LRIG2: variants seen among roughly 807,000 people sequenced by gnomAD.
The protein encoded by LRIG2 is leucine rich repeats and immunoglobulin like domains 2, also known as leucine-rich repeats and immunoglobulin-like domains protein 2.
A neutral mutation model predicts 107.8 loss-of-function variants in LRIG2; 93 were observed. That is an observed-to-expected ratio of 0.86 (90% CI 0.73 to 1.03). The LOEUF is 1.03. LRIG2 is among the 50% of genes least tolerant of loss of function. The pLI, the probability that LRIG2 is intolerant of heterozygous loss-of-function variation, is 0.00. For synonymous variants in LRIG2, 471 were observed against 470.6 expected (o/e 1.00, Z -0.01); for missense variants, 1,226 against 1,296.0 (o/e 0.95, Z 0.83).
Position 113,123,885 on chromosome 1 carries a change from G to A in LRIG2, c.2982G>A (p.Gln994=). 5 of 1,613,920 alleles carry A rather than the reference G, an allele frequency of 3.1e-6. No individual in the cohort carries two copies. Among genetic ancestry groups the A allele is most frequent in the Non-Finnish European group, 4.2e-6 (5 of 1,179,890 alleles). Reference sequence around the variant, plus strand: ...GTCTTTCATTCTCAGAAACATTGCAGCGGCCCGTGTGGAACATAAACAGAG... The same window carrying A: ...GTCTTTCATTCTCAGAAACATTGCAACGGCCCGTGTGGAACATAAACAGAG... The part of the protein sequence containing the change: ...PSTQMSGETL[Q]RPVWNINREL... Residue 994 remains glutamine, a synonymous_variant, in exon 18 of 18, where the codon CAG becomes CAA. Transcript: ENST00000361127.
At chr1:113,097,777 G>T (rs988265007) in intron 8 of LRIG2, among the ~76,000 whole-genome samples, 1 of 152,192 alleles carries the variant, frequency 6.6e-6, no homozygotes, top group African/African-American at 2.4e-5. Context: ...TGCCAGGGTA[G>T]ATACAGTTCT....
chr1:113,112,845 T>G, intron 14 of LRIG2, 85 bp downstream of exon 14: 3 of 1,254,486 alleles, frequency 2.4e-6, no homozygotes, highest in Middle Eastern at 2.3e-4. Flanking sequence ...AAAATAAGTT[T>G]GAGATTACCT....
chr1:113,109,244 T>G (rs1654668959), intron 12 of LRIG2, among the ~76,000 whole-genome samples: 1 of 152,244 alleles, frequency 6.6e-6, no homozygotes, highest in African/African-American at 2.4e-5. Flanking sequence ...CAATGAAATG[T>G]TATCCAGTGG....
intron 2 of LRIG2, 105 bp from the exon 3 acceptor site, chr1:113,093,101 C>CA: frequency 1.5e-6 from 1 of 665,980 alleles, no homozygotes. Context: ...TATTCTTTTT[C>CA]AAATTTGGCA....
In LRIG2 at chr1:113,119,490, G is replaced by A; in HGVS notation, c.2938G>A (p.Glu980Lys). ...AFPTNHERISEKKLPSTQMSG... is the reference protein window; with the variant it reads ...AFPTNHERISKKKLPSTQMSG... ...TCCCACCAACCATGAGAGGATAAGT[G>A]AGAAGAAACTTCCCTCCACACAGAT... The change falls in exon 17 of 18, where the codon GAG (glutamate) becomes AAG (lysine). Residue 980 changes from glutamate to lysine, a missense_variant. By Grantham distance (56) the Glu-to-Lys change is moderately conservative. Transcript: ENST00000361127. 6.2e-7 allele frequency: 1 copy of A among 1,614,154 alleles called. No homozygotes were observed.
At chr1:113,110,651 G>C in intron 13 of LRIG2, 89 bp downstream of exon 13, 1 of 939,114 alleles carries the variant, frequency 1.1e-6, no homozygotes, top group Non-Finnish European at 1.6e-6. Context: ...GACTAAATCT[G>C]ACATTTAAGT....
chr1:113,079,640 T>C (rs1411031400), intron 1 of LRIG2, among the ~76,000 whole-genome samples: 1 of 141,682 alleles, frequency 7.1e-6, no homozygotes, highest in African/African-American at 2.6e-5. Context: ...CTGAGACCAC[T>C]GCACTCTAGC....
At position 113,128,188 on chromosome 1, in the gene LRIG2, C is replaced by T. The variant is rs573344206; in HGVS notation, c.*4087C>T. The T allele has an allele frequency of 2.6e-5, 4 of 152,284 alleles. No individual in the cohort carries two copies. The East Asian group carries it at 7.7e-4, about 29-fold the overall frequency. The allele number at this position is 152,284 out of a possible 1,614,324, so 9.4% of individuals were successfully genotyped here. A position where few individuals can be genotyped will look rare whatever the true frequency, so the allele number is the denominator to read the frequency against. On this transcript the variant is annotated 3_prime_UTR_variant, in exon 18 of 18. Transcript: ENST00000361127. ...CTAAGTGTTCTCCCATGGGCAGCAG[C>T]ACTTCTTGAGCTGTTTAGTACTGCC...
In LRIG2 at chr1:113,126,938, G is replaced by A. The variant is rs973037002; in HGVS notation, c.*2837G>A. 1 of 154,630 alleles carries A rather than the reference G, an allele frequency of 6.5e-6. No individual in the cohort carries two copies. Among genetic ancestry groups the A allele is most frequent in the African/African-American group, 2.4e-5 (1 of 41,440 alleles). The allele number at this position is 154,630 out of a possible 1,614,324, so 9.6% of individuals were successfully genotyped here. A position where few individuals can be genotyped will look rare whatever the true frequency, so the allele number is the denominator to read the frequency against. The stretch of plus-strand genomic sequence containing the variant: ...CTGGGCCACATCCATCTTCTTCATT[G>A]TCAGAATCTGAGTTTTCTGTCTTGA... On this transcript the variant is annotated 3_prime_UTR_variant, in exon 18 of 18. Transcript: ENST00000361127.
intron 1 of LRIG2, among the ~76,000 whole-genome samples, chr1:113,078,819 T>C (rs1462327507): frequency 6.6e-6 from 1 of 151,738 alleles, no homozygotes; most frequent in Non-Finnish European, 1.5e-5. Flanking sequence ...TTTGTATTTT[T>C]AGTAGAGATG....
chr1:113,123,929 C>T lies in LRIG2; in HGVS notation c.3026C>T (p.Pro1009Leu), dbSNP rs767720788. The T allele has an allele frequency of 6.8e-6, 11 of 1,614,032 alleles. No homozygotes were observed. The highest frequency in any genetic ancestry group is 1.1e-5 in the South Asian group (1 of 91,086). The stretch of plus-strand genomic sequence containing the variant: ...AACAGAGAACTAGGCCTGCCTCATC[C>T]TCCTTTTTCCCAGCAGCCAGTCCAT... Reference protein sequence around the residue: ...NINRELGLPHPPFSQQPVHES... With the variant: ...NINRELGLPHLPFSQQPVHES... The change falls in exon 18 of 18, where the codon CCT becomes CTT. Residue 1009 changes from proline to leucine, a missense_variant. Physicochemically the swap from Pro to Leu is moderately conservative, Grantham distance 98 (BLOSUM62 -3). Transcript: ENST00000361127.
chr1:113,097,184 T>C (rs1243075657), intron 8 of LRIG2, among the ~76,000 whole-genome samples: 4 of 150,198 alleles, frequency 2.7e-5, no homozygotes, highest in African/African-American at 9.8e-5. Flanking sequence ...TATATTTATA[T>C]ATAAATATAT....
chr1:113,089,297 C>T (rs547905662), intron 1 of LRIG2, among the ~76,000 whole-genome samples: 25 of 152,282 alleles, frequency 1.6e-4, no homozygotes, highest in Non-Finnish European at 3.2e-4. Context: ...TCCACCTCAG[C>T]CTTGTAAAGA....
In LRIG2 at chr1:113,131,399, CAG is replaced by C. The variant is rs1327151812; in HGVS notation, c.*7301_*7302del. The C allele has an allele frequency of 6.6e-6, 1 of 152,152 alleles. No individual in the cohort carries two copies. Among genetic ancestry groups the C allele is most frequent in the Non-Finnish European group, 1.5e-5 (1 of 68,028 alleles). 9.4% of individuals were successfully genotyped at this position (152,152 alleles called of 1,614,324 possible). ...AAATGCTAGAAGTGTAAAGGAATAACAGAGGTAAATTTGCTGTCATTTTATGC... is the reference window on the plus strand; with the variant it reads ...AAATGCTAGAAGTGTAAAGGAATAACAGGTAAATTTGCTGTCATTTTATGC... On this transcript the variant is annotated 3_prime_UTR_variant, in exon 18 of 18. Transcript: ENST00000361127.
At chr1:113,082,084 C>T (rs2101019173) in intron 1 of LRIG2, among the ~76,000 whole-genome samples, 1 of 152,300 alleles carries the variant, frequency 6.6e-6, no homozygotes, top group South Asian at 2.1e-4. Flanking sequence ...TTGCCCCTGG[C>T]TTGCATGATA....
At chr1:113,086,463 G>A (rs1191162420) in intron 1 of LRIG2, among the ~76,000 whole-genome samples, 1 of 152,108 alleles carries the variant, frequency 6.6e-6, no homozygotes, top group Non-Finnish European at 1.5e-5. Flanking sequence ...TTTACAAAGG[G>A]CCTCTTTGTC....
Position 113,125,944 on chromosome 1 carries a change from CTG to C in LRIG2, c.*1845_*1846del, listed in dbSNP as rs1473226582. 6.6e-6 allele frequency: 1 copy of C among 152,172 alleles called. No homozygotes were observed. The highest frequency in any genetic ancestry group is 1.5e-5 in the Non-Finnish European group (1 of 68,042). The allele number at this position is 152,172 out of a possible 1,614,324, so 9.4% of individuals were successfully genotyped here. ...TCTCTTTGTTCACTTTCTAAAGTGA[CTG>C]TTGTTTGGTGTTGGAGATGTTAACT... On this transcript the variant is annotated 3_prime_UTR_variant, in exon 18 of 18. Transcript: ENST00000361127.
At chr1:113,110,616 A>G (rs1473439996) in intron 13 of LRIG2, 54 bp downstream of exon 13, 3 of 1,293,730 alleles carry the variant, frequency 2.3e-6, no homozygotes, top group South Asian at 1.4e-5. Flanking sequence ...TTTCATGTTC[A>G]GTTTTGAATC....
rs1457716238 is a variant in LRIG2, at chr1:113,116,311, T to C, written c.2555T>C (p.Ile852Thr). 14 of 1,613,798 alleles carry C rather than the reference T, an allele frequency of 8.7e-6. No homozygotes were observed. The highest frequency in any genetic ancestry group is 1.2e-5 in the Non-Finnish European group (14 of 1,179,746). ...GAGGAGCTCAATCTGCCTGCAGACA[T>C]TCCCAGCTACTTGTCTTCCCAAGGA... ...NTEELNLPAD[I>T]PSYLSSQGTL... The change falls in exon 16 of 18, where the codon ATT (isoleucine) becomes ACT (threonine). Residue 852 changes from isoleucine (I) to threonine (T), a missense_variant. Physicochemically the swap from Ile to Thr is moderately conservative, Grantham distance 89. Around this residue, in one of 3 missense-constraint regions of LRIG2, gnomAD observed 642 missense variants for 712.2 expected, o/e 0.90. Transcript: ENST00000361127.
Sources: allele counts gnomAD v4.1 joint callset (sites outside exome capture counted in the v4.1 genomes callset), GRCh38; gene constraint gnomAD v4.1.1; regional missense constraint gnomAD v4.1.1; transcripts MANE v1.5; gene names NCBI Gene and HGNC (gene_info 2026-07-23, HGNC 2026-07-21).